The following PCDH15 variants were observed in gnomAD, a reference collection of about 807,000 sequenced individuals.
PCDH15 encodes protocadherin-15.
PCDH15 carries 129 observed loss-of-function variants against 178.5 expected under a neutral mutation model. The ratio of observed to expected loss-of-function variants is 0.72; its 90% CI spans 0.63 to 0.84. The LOEUF (loss-of-function observed/expected upper bound fraction) is 0.84, where lower values mean the gene tolerates loss of function less well. PCDH15 is among the 40% of genes least tolerant of loss of function. The pLI is 0.00. For synonymous variants in PCDH15, 800 were observed against 732.0 expected, an observed-to-expected ratio of 1.09 and a Z score of -1.50; for missense variants, 2,230 against 2,099.9, an observed-to-expected ratio of 1.06 and a Z score of -1.21.
intron 2 of PCDH15, among the ~76,000 whole-genome samples, chr10:54,639,828 C>A (rs570568774): frequency 6.6e-6 from 1 of 152,278 alleles, no homozygotes; most frequent in Non-Finnish European, 1.5e-5. Context: ...CACATTAACC[C>A]TGTCACCTGA....
At chr10:53,974,309 C>T (rs1911426) in intron 21 of PCDH15, among the ~76,000 whole-genome samples, 105,795 of 152,062 alleles carry the variant, frequency 0.7, 37,302 homozygotes, top group East Asian at 0.87. Context: ...ACCACCACAT[C>T]CAGCCAGAAA....
chr10:55,513,540 A>G (rs1300164415), intron 2 of PCDH15, among the ~76,000 whole-genome samples: 1 of 152,176 alleles, frequency 6.6e-6, no homozygotes, highest in Non-Finnish European at 1.5e-5. Context: ...ACAGGTGATA[A>G]AACGGATAAT....
At chr10:53,872,178 T>C (rs2079917530) in intron 26 of PCDH15, among the ~76,000 whole-genome samples, 1 of 152,132 alleles carries the variant, frequency 6.6e-6, no homozygotes, top group Non-Finnish European at 1.5e-5. Flanking sequence ...TCTTTACAAA[T>C]TTCAGTATTC....
At chr10:54,853,224 C>A (rs1400411188) in intron 3 of PCDH15, among the ~76,000 whole-genome samples, 1 of 149,412 alleles carries the variant, frequency 6.7e-6, no homozygotes, top group East Asian at 1.9e-4. Context: ...TACACCATTG[C>A]ACTCCAGCCT....
At position 54,913,139 on chromosome 10, in the gene PCDH15, T is replaced by C. The variant is rs1954846473; in HGVS notation, c.-79-15639A>G. ...ACCCTTTAAGCTAGCTGCAGAAATT[T>C]ACATAAGTAAAGAGGAGCCTAATGG... On this transcript the variant is annotated intron_variant, in intron 2 of 5. Transcript: ENST00000458638. Among the ~76,000 whole-genome samples, 3 of 152,210 alleles carry C rather than the reference T, an allele frequency of 2.0e-5. No homozygotes were observed. The South Asian group carries it at 6.2e-4, about 31-fold the overall frequency.
chr10:55,025,936 G>T (rs1840465262), intron 2 of PCDH15, among the ~76,000 whole-genome samples: 1 of 151,908 alleles, frequency 6.6e-6, no homozygotes, highest in South Asian at 2.1e-4. Context: ...TTATTTATAA[G>T]TCATTTCACA....
At chr10:54,657,788 C>T (rs961589134) in intron 2 of PCDH15, among the ~76,000 whole-genome samples, 10 of 152,088 alleles carry the variant, frequency 6.6e-5, no homozygotes, top group Admixed American at 5.9e-4. Flanking sequence ...TCTAGCAGTA[C>T]AAAAAGGTAG....
chr10:54,428,368 T>C (rs7078869), intron 3 of PCDH15, among the ~76,000 whole-genome samples: 60,952 of 152,136 alleles, frequency 0.4, 13,352 homozygotes, highest in Middle Eastern at 0.51. Flanking sequence ...AAGTAAACCA[T>C]GCCCAGTTGA....
At chr10:54,399,466 G>A (rs1951666604) in intron 3 of PCDH15, among the ~76,000 whole-genome samples, 1 of 152,012 alleles carries the variant, frequency 6.6e-6, no homozygotes, top group Non-Finnish European at 1.5e-5. Context: ...GGGTTTCTCT[G>A]AAAAGAACTA....
chr10:54,341,069 T>A (rs1458292331), intron 6 of PCDH15, among the ~76,000 whole-genome samples: 2 of 152,158 alleles, frequency 1.3e-5, no homozygotes, highest in Admixed American at 6.5e-5. Flanking sequence ...CTGGCTGTGA[T>A]CAATTATTCT....
intron 1 of PCDH15, among the ~76,000 whole-genome samples, chr10:54,670,049 T>C (rs990976301): frequency 6.6e-6 from 1 of 152,050 alleles, no homozygotes; most frequent in African/African-American, 2.4e-5. Context: ...GCAAGACAGA[T>C]TCCATTTCAA....
chr10:55,090,314 G>C (rs746843648), intron 2 of PCDH15, among the ~76,000 whole-genome samples: 1 of 151,978 alleles, frequency 6.6e-6, no homozygotes, highest in Non-Finnish European at 1.5e-5. Context: ...TTTCAGCACA[G>C]AGTAGAGCCT....
intron 1 of PCDH15, among the ~76,000 whole-genome samples, chr10:55,239,351 T>C (rs1031550802): frequency 1.3e-5 from 2 of 152,128 alleles, no homozygotes; most frequent in African/African-American, 2.4e-5. Context: ...AGTAGGCACA[T>C]AGACACTTGC....
chr10:54,105,519 C>A (rs1295209965), intron 15 of PCDH15, among the ~76,000 whole-genome samples: 1 of 151,912 alleles, frequency 6.6e-6, no homozygotes, highest in Non-Finnish European at 1.5e-5. Flanking sequence ...CAGGAAGCAT[C>A]CAGCACAGGA....
intron 2 of PCDH15, among the ~76,000 whole-genome samples, chr10:54,612,775 A>G (rs1467930804): frequency 6.6e-6 from 1 of 151,784 alleles, no homozygotes; most frequent in Non-Finnish European, 1.5e-5. Flanking sequence ...TAATTTATTA[A>G]TTTACACAGT....
intron 2 of PCDH15, among the ~76,000 whole-genome samples, chr10:54,998,395 TA>T (rs891140964): frequency 1.7e-4 from 26 of 151,572 alleles, no homozygotes; most frequent in Non-Finnish European, 2.9e-5. Context: ...TAAATAATAA[TA>T]AAAAAAAGAA....
chr10:54,267,571 TAA>T (rs1344037258), intron 8 of PCDH15, among the ~76,000 whole-genome samples: 1 of 151,860 alleles, frequency 6.6e-6, no homozygotes, highest in African/African-American at 2.4e-5. Flanking sequence ...AAAATTTCAG[TAA>T]AGTTTTAAGA....
intron 3 of PCDH15, among the ~76,000 whole-genome samples, chr10:54,404,042 A>C (rs1952285749): frequency 6.6e-6 from 1 of 152,082 alleles, no homozygotes; most frequent in African/African-American, 2.4e-5. Flanking sequence ...TATAATATCC[A>C]AAGTAATTCA....
Position 54,134,881 on chromosome 10 carries a change from A to G in PCDH15, c.1785-1874T>C, listed in dbSNP as rs1329603912. On this transcript the variant is annotated intron_variant, in intron 14 of 37. Coordinates refer to ENST00000644397, the MANE Select transcript of PCDH15 (RefSeq NM_001384140.1). The stretch of plus-strand genomic sequence containing the variant: ...ATATCATCAGTAGATAGATACCAAT[A>G]GAATAGTAAGCATAAAAGCTACAGT... 3.3e-5 allele frequency among the ~76,000 whole-genome samples: 5 copies of G among 152,146 alleles called. No homozygotes were observed. The East Asian group carries it at 9.7e-4, about 29-fold the overall frequency.
Sources: allele counts gnomAD v4.1 joint callset (sites outside exome capture counted in the v4.1 genomes callset), GRCh38; gene constraint gnomAD v4.1.1; transcripts MANE v1.5; gene names NCBI Gene and HGNC (gene_info 2026-07-23, HGNC 2026-07-21).